Variants in RAB9B observed in about 807,000 individuals in gnomAD.
RAB9B encodes ras-related protein Rab-9B.
RAB9B carries 1 observed loss-of-function variant against 8.9 expected under a neutral mutation model. That is an observed-to-expected ratio of 0.11 (90% CI 0.04 to 0.53). The LOEUF is 0.53. RAB9B is among the 20% of genes least tolerant of loss of function. The pLI, the probability that RAB9B is intolerant of heterozygous loss-of-function variation, is 0.93. For synonymous variants in RAB9B, 63 were observed against 57.0 expected (o/e 1.10, Z -0.47); for missense variants, 82 against 152.9 (o/e 0.54, Z 2.45).
downstream of RAB9B, among the ~76,000 whole-genome samples, chrX:103,820,959 CACACACACACACACACACACACAT>C (rs1321281920): frequency 1.3e-3 from 47 of 36,924 alleles, no homozygotes; most frequent in Middle Eastern, 0.012. Flanking sequence ...CAAACACACA[CACACACACACACACACACACACAT>C]ACACACACAC....
chrX:103,796,366 A>T, the RAB9B span, among the ~76,000 whole-genome samples: 7 of 111,495 alleles, frequency 6.3e-5, no homozygotes, highest in Non-Finnish European at 9.4e-5. Context: ...GCTACTCAGG[A>T]GGCTGAGGAA....
chrX:103,808,304 G>A, the RAB9B span, among the ~76,000 whole-genome samples: 66 of 111,809 alleles, frequency 5.9e-4, 1 homozygote, highest in Middle Eastern at 0.014. Flanking sequence ...TACCTCAGAC[G>A]ATTGTTGAAA....
rs1326291329 is a variant in RAB9B, at chrX:103,823,051, T to C, written c.*2128A>G. 1.8e-5 allele frequency: 2 copies of C among 110,928 alleles called. No homozygotes were observed. The highest frequency in any genetic ancestry group is 3.8e-5 in the Non-Finnish European group (2 of 52,940). 9.1% of individuals were successfully genotyped at this position (110,928 alleles called of 1,213,427 possible). On this transcript the variant is annotated 3_prime_UTR_variant, in exon 3 of 3. Coordinates refer to ENST00000243298, the MANE Select transcript of RAB9B (RefSeq NM_016370.4). ...GCCACTCTAATAGAGACAAATACTTTTGTGAGTTGATAGAGGTCTTTATGA... is the reference window on the plus strand; with the variant it reads ...GCCACTCTAATAGAGACAAATACTTCTGTGAGTTGATAGAGGTCTTTATGA...
the RAB9B span, among the ~76,000 whole-genome samples, chrX:103,781,537 T>A: frequency 8.9e-6 from 1 of 112,393 alleles, no homozygotes; most frequent in African/African-American, 3.2e-5. Context: ...AGATTTTGAT[T>A]CACAGACATA....
chrX:103,787,890 C>T, the RAB9B span: 3 of 1,208,314 alleles, frequency 2.5e-6, no homozygotes, highest in East Asian at 3.0e-5. Context: ...ACACCTGGAC[C>T]ACCTGCCAGT....
At chrX:103,796,275 G>GT in the RAB9B span, among the ~76,000 whole-genome samples, 1 of 111,884 alleles carries the variant, frequency 8.9e-6, no homozygotes, top group African/African-American at 3.2e-5. Flanking sequence ...GAGGTCAGGA[G>GT]TTCAAGACCA....
At chrX:103,826,484 G>A (rs911967427) in intron 2 of RAB9B, among the ~76,000 whole-genome samples, 3 of 111,869 alleles carry the variant, frequency 2.7e-5, no homozygotes, top group African/African-American at 9.7e-5. Flanking sequence ...CAATATAACA[G>A]CTGTCATGAA....
At chrX:103,788,597 G>C in the RAB9B span, 3 of 753,398 alleles carry the variant, frequency 4.0e-6, no homozygotes, top group Non-Finnish European at 6.3e-6. Flanking sequence ...AGGACTGAAA[G>C]TTTCCCTTTG....
the RAB9B span, among the ~76,000 whole-genome samples, chrX:103,787,308 G>A: frequency 9.0e-6 from 1 of 111,216 alleles, no homozygotes; most frequent in East Asian, 2.8e-4. Flanking sequence ...ATCCTTTGGC[G>A]GCTGAACATG....
At chrX:103,780,651 G>A in the RAB9B span, among the ~76,000 whole-genome samples, 1 of 111,770 alleles carries the variant, frequency 8.9e-6, no homozygotes, top group African/African-American at 3.3e-5. Flanking sequence ...CTGTTTTCCA[G>A]CACTTGAATG....
intron 1 of RAB9B, among the ~76,000 whole-genome samples, chrX:103,830,470 A>T (rs1255266655): frequency 8.9e-6 from 1 of 111,940 alleles, no homozygotes; most frequent in Non-Finnish European, 1.9e-5. Flanking sequence ...GAGCATTTGG[A>T]CCAAAACGCT....
At chrX:103,791,933 T>C in the RAB9B span, 1 of 112,340 alleles carries the variant, frequency 8.9e-6, no homozygotes, top group Non-Finnish European at 1.9e-5. Context: ...AGCAATGTTA[T>C]CTTGGTGTGT....
At chrX:103,789,310 CT>C in the RAB9B span, 1 of 1,149,794 alleles carries the variant, frequency 8.7e-7, no homozygotes, top group Non-Finnish European at 1.2e-6. Flanking sequence ...AGAAACAGTT[CT>C]TCCTCTTTCA....
chrX:103,777,190 C>T, the RAB9B span, among the ~76,000 whole-genome samples: 1 of 111,813 alleles, frequency 8.9e-6, no homozygotes, highest in Non-Finnish European at 1.9e-5. Flanking sequence ...TGCTTTATTA[C>T]CAAAGAATTC....
At chrX:103,820,045 C>G (rs766326549), downstream of RAB9B, among the ~76,000 whole-genome samples, 37 of 111,721 alleles carry the variant, frequency 3.3e-4, 1 homozygote, top group Non-Finnish European at 6.2e-4. Flanking sequence ...GGAGAAACCC[C>G]TTCCCCCTTC....
chrX:103,809,123 A>T, the RAB9B span, among the ~76,000 whole-genome samples: 1 of 110,825 alleles, frequency 9.0e-6, no homozygotes, highest in Non-Finnish European at 1.9e-5. Context: ...TGGTGTCCTT[A>T]TAAGAAAAGG....
the RAB9B span, among the ~76,000 whole-genome samples, chrX:103,800,868 T>C: frequency 1.8e-5 from 2 of 111,782 alleles, no homozygotes; most frequent in Admixed American, 9.5e-5. Flanking sequence ...CAGGGCTGTT[T>C]TCAACATGCT....
At chrX:103,804,563 A>G in the RAB9B span, among the ~76,000 whole-genome samples, 1 of 112,038 alleles carries the variant, frequency 8.9e-6, no homozygotes, top group Non-Finnish European at 1.9e-5. Flanking sequence ...AAAACAAAAC[A>G]GCTTGGATTT....
At chrX:103,783,087 A>T in the RAB9B span, among the ~76,000 whole-genome samples, 3 of 112,090 alleles carry the variant, frequency 2.7e-5, no homozygotes, top group East Asian at 8.4e-4. Flanking sequence ...CTTGACTTAT[A>T]GGCTGAATCT....
Sources: gnomAD v4.1 joint callset for allele counts (sites outside exome capture counted in the v4.1 genomes callset) on GRCh38, gnomAD v4.1.1 for gene constraint, MANE v1.5 for transcripts, NCBI Gene and HGNC (gene_info 2026-07-23, HGNC 2026-07-21) for gene names.